The following TTC28 variants were observed in gnomAD, a reference collection of about 807,000 sequenced individuals.
TTC28 encodes the protein tetratricopeptide repeat domain 28.
TTC28 carries 61 observed loss-of-function variants against 198.0 expected under a neutral mutation model. The observed-to-expected ratio is 0.31, with a 90% CI of 0.25 to 0.38. The LOEUF (loss-of-function observed/expected upper bound fraction) is 0.38, where lower values mean the gene tolerates loss of function less well. Ranked by LOEUF, TTC28 falls within the 10% of genes least tolerant of loss-of-function variation. The pLI is 1.00. For missense variants in TTC28, 2,678 were observed against 3,164.0 expected, an observed-to-expected ratio of 0.85 and a Z score of 3.69; for synonymous variants, 1,171 against 1,297.8, an observed-to-expected ratio of 0.90 and a Z score of 2.10.
chr22:28,039,112 C>T (rs190644740), intron 12 of TTC28, among the ~76,000 whole-genome samples: 4 of 152,252 alleles, frequency 2.6e-5, no homozygotes, highest in East Asian at 1.9e-4. Context: ...GTCAGTGTGG[C>T]GATTCCTCAG....
In TTC28 at chr22:28,108,067, T is replaced by A. The variant is rs1371116336; in HGVS notation, c.1778A>T (p.Glu593Val). 3.2e-6 allele frequency: 5 copies of A among 1,551,464 alleles called. No homozygotes were observed. The highest frequency in any genetic ancestry group is 4.4e-6 in the Non-Finnish European group (5 of 1,146,964). Residue 593 changes from glutamate (E) to valine (V), a missense_variant, in exon 7 of 23, where the codon GAG becomes GTG. Glu to Val is a moderately radical substitution (Grantham distance 121, BLOSUM62 -2). Around this residue, in one of 8 missense-constraint regions of TTC28, gnomAD observed 775 missense variants for 845.9 expected, o/e 0.92. Coordinates refer to ENST00000397906, the MANE Select transcript of TTC28 (RefSeq NM_001145418.2). ...GCCCAGGTTGCTGAGGGCCCGGGCC[T>A]CGCTCTGGATGTCTCGTAGCTCCCG... ...IARELRDIQS[E>V]ARALSNLGNF...
chr22:28,476,264 T>C (rs1196839117), intron 2 of TTC28, among the ~76,000 whole-genome samples: 2 of 152,232 alleles, frequency 1.3e-5, no homozygotes, highest in Non-Finnish European at 2.9e-5. Context: ...TTTGCTTGTT[T>C]ATTAACTTTA....
At chr22:28,451,303 C>T (rs1426314964) in intron 2 of TTC28, among the ~76,000 whole-genome samples, 3 of 152,106 alleles carry the variant, frequency 2.0e-5, no homozygotes, top group Non-Finnish European at 4.4e-5. Context: ...GGTAAACTAG[C>T]CCAGACTAAA....
chr22:28,196,748 G>C lies in TTC28; in HGVS notation c.934-33149C>G, dbSNP rs146840710. On this transcript the variant is annotated intron_variant, in intron 5 of 22. Transcript: ENST00000397906. ...TCAAAACCACACCAGTTAGTATGGC[G>C]ATCATTAAAAAGTCAGGAAACAACA... Among the ~76,000 whole-genome samples, 1,303 of 151,808 alleles carry C rather than the reference G, an allele frequency of 8.6e-3. 32 individuals carry two copies. Among genetic ancestry groups the C allele is most frequent in the African/African-American group, 0.029 (1,199 of 41,468 alleles).
intron 2 of TTC28, among the ~76,000 whole-genome samples, chr22:28,504,682 C>T (rs953663344): frequency 6.6e-6 from 1 of 152,070 alleles, no homozygotes; most frequent in Non-Finnish European, 1.5e-5. Flanking sequence ...TTTTCTGATG[C>T]CCGACTCACA....
intron 2 of TTC28, among the ~76,000 whole-genome samples, chr22:28,566,955 G>A (rs897655522): frequency 1.3e-5 from 2 of 151,976 alleles, no homozygotes; most frequent in East Asian, 1.9e-4. Flanking sequence ...AGTGGCTCAC[G>A]CCTGTAACTC....
intron 5 of TTC28, among the ~76,000 whole-genome samples, chr22:28,242,105 TAAC>T (rs1929696312): frequency 6.6e-6 from 1 of 152,204 alleles, no homozygotes; most frequent in Non-Finnish European, 1.5e-5. Flanking sequence ...GGGATCTTCA[TAAC>T]AACTCACAGA....
At chr22:28,661,311 G>T (rs1040911549) in intron 1 of TTC28, among the ~76,000 whole-genome samples, 4 of 152,070 alleles carry the variant, frequency 2.6e-5, no homozygotes, top group African/African-American at 9.7e-5. Context: ...TTGTTATATA[G>T]CCTCATTTCA....
chr22:28,052,186 T>A (rs1472157245), intron 12 of TTC28, among the ~76,000 whole-genome samples: 2 of 152,212 alleles, frequency 1.3e-5, no homozygotes. Flanking sequence ...GTACCATATA[T>A]GTGCGGAACA....
At chr22:28,007,847 G>A (rs1399815465) in intron 14 of TTC28, 2 of 152,180 alleles carry the variant, frequency 1.3e-5, no homozygotes, top group African/African-American at 2.4e-5. Context: ...TGCCACCACT[G>A]GTTTTAGTCA....
At chr22:28,069,327 A>G (rs1178903609) in intron 12 of TTC28, among the ~76,000 whole-genome samples, 1 of 152,166 alleles carries the variant, frequency 6.6e-6, no homozygotes, top group African/African-American at 2.4e-5. Flanking sequence ...GTGCTATGTA[A>G]AACAGAGACT....
At chr22:28,063,443 C>T (rs544682700) in intron 12 of TTC28, among the ~76,000 whole-genome samples, 5 of 152,130 alleles carry the variant, frequency 3.3e-5, no homozygotes, top group Non-Finnish European at 7.4e-5. Flanking sequence ...TCCTTTCTTC[C>T]ATGTTTTGAC....
chr22:28,314,601 C>T (rs1478665776), intron 2 of TTC28, among the ~76,000 whole-genome samples: 1 of 152,134 alleles, frequency 6.6e-6, no homozygotes, highest in South Asian at 2.1e-4. Context: ...CTGACACACA[C>T]CAGCAATGGG....
rs1000585679 is a variant in TTC28 at position 28,411,298 on chromosome 22, C to T, written c.382-104655G>A. On this transcript the variant is annotated intron_variant, in intron 2 of 22. Coordinates refer to ENST00000397906, the MANE Select transcript of TTC28 (RefSeq NM_001145418.2). ...ACTTGGAGATCCTAGCTATCTGATG[C>T]CAAGAAAAGCAACTACAGAGTTGTT... Among the ~76,000 whole-genome samples, 4 of 152,130 alleles carry T rather than the reference C, an allele frequency of 2.6e-5. No individual in the cohort carries two copies. In the East Asian group the frequency reaches 7.7e-4, roughly 29 times the overall value.
At chr22:28,100,396 T>C (rs1942107791) in intron 9 of TTC28, among the ~76,000 whole-genome samples, 1 of 152,226 alleles carries the variant, frequency 6.6e-6, no homozygotes, top group Non-Finnish European at 1.5e-5. Context: ...AATAAGTACT[T>C]TGAAAATTGC....
At chr22:28,168,353 C>A (rs768097674) in intron 5 of TTC28, among the ~76,000 whole-genome samples, 1 of 152,160 alleles carries the variant, frequency 6.6e-6, no homozygotes, top group South Asian at 2.1e-4. Flanking sequence ...AAAAAGAGCC[C>A]GCATTGCCAA....
At chr22:28,070,044 A>G (rs1321786894) in intron 12 of TTC28, among the ~76,000 whole-genome samples, 2 of 152,014 alleles carry the variant, frequency 1.3e-5, no homozygotes, top group African/African-American at 4.8e-5. Flanking sequence ...TTGGAAATAA[A>G]TTTTTTGCCT....
intron 5 of TTC28, among the ~76,000 whole-genome samples, chr22:28,244,607 C>T (rs1929942972): frequency 6.6e-6 from 1 of 152,106 alleles, no homozygotes; most frequent in Non-Finnish European, 1.5e-5. Context: ...AAATAAGCTT[C>T]AAAAAAGAAA....
chr22:28,088,910 A>G (rs6005712), intron 12 of TTC28, among the ~76,000 whole-genome samples: 94 of 152,386 alleles, frequency 6.2e-4, no homozygotes, highest in African/African-American at 2.1e-3. Context: ...CACACGTGAA[A>G]AAATGCTCAC....
Sources: allele counts gnomAD v4.1 joint callset (sites outside exome capture counted in the v4.1 genomes callset), GRCh38; gene constraint gnomAD v4.1.1; regional missense constraint gnomAD v4.1.1; transcripts MANE v1.5; gene names NCBI Gene and HGNC (gene_info 2026-07-23, HGNC 2026-07-21).